Variants in MCF2L2 observed in about 807,000 individuals in gnomAD.
MCF2L2 encodes the protein probable guanine nucleotide exchange factor MCF2L2.
MCF2L2 carries 102 observed loss-of-function variants against 150.2 expected under a neutral mutation model. The observed-to-expected ratio is 0.68, with a 90% CI of 0.58 to 0.80. The LOEUF (loss-of-function observed/expected upper bound fraction) is 0.80, where lower values mean the gene tolerates loss of function less well. Ranked by LOEUF, MCF2L2 falls within the 30% of genes least tolerant of loss-of-function variation. The probability of loss-of-function intolerance (pLI) is 0.00; values close to 1 mark genes in which losing one functional copy is unlikely to be tolerated. For synonymous variants in MCF2L2, 465 were observed against 491.3 expected (o/e 0.95, Z 0.71); for missense variants, 1,256 against 1,372.8 (o/e 0.91, Z 1.34).
intron 6 of MCF2L2, among the ~76,000 whole-genome samples, chr3:183,319,879 C>T (rs1399455325): frequency 2.6e-5 from 4 of 152,064 alleles, no homozygotes; most frequent in Non-Finnish European, 4.4e-5. Flanking sequence ...TTCTTAAGGG[C>T]CCTAGGATTT....
chr3:183,314,360 G>C (rs150225172), intron 7 of MCF2L2, among the ~76,000 whole-genome samples: 87 of 152,280 alleles, frequency 5.7e-4, no homozygotes, highest in African/African-American at 2.0e-3. Flanking sequence ...GATGTTTAGA[G>C]ATTTTTTTCT....
chr3:183,247,008 C>A (rs1576956367), intron 15 of MCF2L2, among the ~76,000 whole-genome samples: 1 of 152,158 alleles, frequency 6.6e-6, no homozygotes, highest in Non-Finnish European at 1.5e-5. Context: ...TCATCCTTGG[C>A]CCCAGTGTCT....
chr3:183,188,640 A>G (rs1025024087), intron 27 of MCF2L2, among the ~76,000 whole-genome samples: 1 of 152,086 alleles, frequency 6.6e-6, no homozygotes, highest in Non-Finnish European at 1.5e-5. Context: ...TCTATGGCTG[A>G]TTCTCTTTTG....
intron 27 of MCF2L2, among the ~76,000 whole-genome samples, chr3:183,180,478 C>T (rs1472432983): frequency 2.6e-5 from 4 of 152,084 alleles, no homozygotes; most frequent in Non-Finnish European, 4.4e-5. Context: ...TTCCCTTCCT[C>T]CTCCCCTGTC....
intron 3 of MCF2L2, chr3:183,378,411 C>G (rs1444300121): frequency 6.6e-6 from 1 of 152,254 alleles, no homozygotes; most frequent in African/African-American, 2.4e-5. Context: ...CACACTCCAT[C>G]CCCTCGAAGA....
chr3:183,288,760 G>A (rs1196718609), intron 14 of MCF2L2, among the ~76,000 whole-genome samples: 1 of 152,080 alleles, frequency 6.6e-6, no homozygotes, highest in African/African-American at 2.4e-5. Context: ...GATTACAGGC[G>A]TGAACCACCG....
chr3:183,283,234 C>T lies in MCF2L2; in HGVS notation c.1776+5886G>A, dbSNP rs143620438. Among the ~76,000 whole-genome samples the T allele has an allele frequency of 5.6e-4, 85 of 152,256 alleles. No individual in the cohort carries two copies. Among genetic ancestry groups the T allele is most frequent in the African/African-American group, 1.9e-3 (77 of 41,540 alleles). On this transcript the variant is annotated intron_variant, in intron 14 of 29. Transcript: ENST00000328913. This position sits in a 1 kb window ranked among gnomAD's most constrained non-coding sequence, Gnocchi z 4.2. The stretch of plus-strand genomic sequence containing the variant: ...GCCATAGCTATTAGTAAGCTCTCAC[C>T]ACTGATGTCTCAGCTGACTGTGACA...
intron 15 of MCF2L2, among the ~76,000 whole-genome samples, chr3:183,248,729 T>G (rs1366934546): frequency 2.0e-5 from 3 of 152,082 alleles, no homozygotes; most frequent in Non-Finnish European, 2.9e-5. Flanking sequence ...TCCCCACTAC[T>G]CAGGAGGCTG....
rs566731189 is a variant in MCF2L2, at chr3:183,202,767, A to C, written c.2884+3109T>G. ...ACAAACAACAATAAACAGCAACACC[A>C]ACAAACAGTAGAGGTGGGAAGGTCC... On this transcript the variant is annotated intron_variant, in intron 25 of 29. Transcript: ENST00000328913. Among the ~76,000 whole-genome samples the C allele has an allele frequency of 3.1e-4, 47 of 152,376 alleles. 1 individual carries two copies. Among genetic ancestry groups the C allele is most frequent in the Middle Eastern group, 6.8e-3 (2 of 294 alleles).
In MCF2L2 at chr3:183,207,669, A is replaced by T. The variant is rs1410996557; in HGVS notation, c.2651T>A (p.Ile884Lys). The T allele has an allele frequency of 6.2e-7, 1 of 1,614,082 alleles. No homozygotes were observed. The highest frequency in any genetic ancestry group is 1.7e-5 in the Admixed American group (1 of 60,010). ...TCCCTGGTCCCCAGGCTCCATTCGTATCTTACAGAACACTATTCCCCTTTC... is the reference window on the plus strand; with the variant it reads ...TCCCTGGTCCCCAGGCTCCATTCGTTTCTTACAGAACACTATTCCCCTTTC... ...LFERGIVFCKIRMEPGDQGLS... is the reference protein window; with the variant it reads ...LFERGIVFCKKRMEPGDQGLS... The change falls in exon 23 of 30, where the codon ATA becomes AAA. Residue 884 changes from isoleucine (I) to lysine (K), a missense_variant. Ile to Lys is a moderately radical substitution (Grantham distance 102). Coordinates refer to ENST00000328913, the MANE Select transcript of MCF2L2 (RefSeq NM_015078.4).
intron 2 of MCF2L2, among the ~76,000 whole-genome samples, chr3:183,384,070 T>C (rs1713688551): frequency 6.6e-6 from 1 of 152,220 alleles, no homozygotes; most frequent in Non-Finnish European, 1.5e-5. Context: ...TGGAGAAAAG[T>C]TGTCTGCTGA....
Position 183,389,717 on chromosome 3 carries a change from T to A in MCF2L2, c.139A>T (p.Arg47Ter). Residue 47 changes from arginine to a stop codon, truncating the protein, a stop_gained, in exon 2 of 30, where the codon AGA becomes TGA. Transcript: ENST00000328913. LOFTEE classifies it high-confidence loss of function. The stretch of plus-strand genomic sequence containing the variant: ...TTACCTGAAAGAATGGCAAATTGTC[T>A]GTGAAGTTGTTCTATTATCTCCACC... Reference protein sequence around the residue: ...MAVEIIEQLHRQFAILSGGRG... With the variant: ...MAVEIIEQLH 1 of 1,614,184 alleles carries A rather than the reference T, an allele frequency of 6.2e-7. No homozygotes were observed. The highest frequency in any genetic ancestry group is 8.5e-7 in the Non-Finnish European group (1 of 1,179,990).
At chr3:183,232,735 A>G (rs930235899) in intron 15 of MCF2L2, among the ~76,000 whole-genome samples, 3 of 152,222 alleles carry the variant, frequency 2.0e-5, no homozygotes, top group African/African-American at 7.2e-5. Flanking sequence ...AGACTCGTGG[A>G]AAAAATACTC....
At chr3:183,214,309 C>T (rs1327566930) in intron 22 of MCF2L2, among the ~76,000 whole-genome samples, 6 of 152,156 alleles carry the variant, frequency 3.9e-5, no homozygotes, top group Non-Finnish European at 4.4e-5. Flanking sequence ...GAAAATGATC[C>T]TTATACACAC....
At chr3:183,422,709 C>T (rs1044087866) in intron 1 of MCF2L2, among the ~76,000 whole-genome samples, 11 of 152,210 alleles carry the variant, frequency 7.2e-5, no homozygotes, top group Non-Finnish European at 1.5e-4. Flanking sequence ...AGGTCATGCT[C>T]AGGTACCATA....
intron 15 of MCF2L2, among the ~76,000 whole-genome samples, chr3:183,238,626 ATTC>A (rs1367063845): frequency 2.4e-4 from 36 of 150,996 alleles, no homozygotes; most frequent in Admixed American, 2.0e-3. Context: ...GCCCAAGACA[ATTC>A]TTCTTCTTCC....
rs114307034 is a variant in MCF2L2 at position 183,188,521 on chromosome 3, C to A, written c.3016+4478G>T. On this transcript the variant is annotated intron_variant, in intron 27 of 29. Transcript: ENST00000328913. ...CCTGAGGGACAGCACTCCATCCCCG[C>A]AGTGCCATGTCCAAACTGCTGCCCC... 5.1e-3 allele frequency among the ~76,000 whole-genome samples: 778 copies of A among 152,304 alleles called. 10 individuals are homozygous for A. The highest frequency in any genetic ancestry group is 0.017 in the African/African-American group (720 of 41,560).
Position 183,278,252 on chromosome 3 carries a change from TATCTC to T in MCF2L2, c.1777-1300_1777-1296del, listed in dbSNP as rs1402549992. Among the ~76,000 whole-genome samples, 122 of 150,400 alleles carry T rather than the reference TATCTC, an allele frequency of 8.1e-4. 3 individuals are homozygous for T. Among genetic ancestry groups the T allele is most frequent in the African/African-American group, 2.3e-3 (94 of 40,712 alleles). On this transcript the variant is annotated intron_variant, in intron 14 of 29. Coordinates refer to ENST00000328913, the MANE Select transcript of MCF2L2 (RefSeq NM_015078.4). The stretch of plus-strand genomic sequence containing the variant: ...TTATTAAACAAATAAAAATAAAAGA[TATCTC>T]ATCAGTTACGATGTAAATGAAAAAA...
At chr3:183,206,949 GGAAGGAAGGAAGGAAGGAAGGA>G (rs1560341208) in intron 23 of MCF2L2, among the ~76,000 whole-genome samples, 14 of 51,918 alleles carry the variant, frequency 2.7e-4, no homozygotes, top group African/African-American at 6.5e-4. Flanking sequence ...AAGGAAGGAA[GGAAGGAAGGAAGGAAGGAAGGA>G]AGGGAGGGAG....
Sources: gnomAD v4.1 joint callset for allele counts (sites outside exome capture counted in the v4.1 genomes callset) on GRCh38, gnomAD v4.1.1 for gene constraint, Gnocchi (gnomAD v3.1) non-coding constraint, MANE v1.5 for transcripts, NCBI Gene and HGNC (gene_info 2026-07-23, HGNC 2026-07-21) for gene names.